Variants in NPAS1 observed in about 807,000 individuals in gnomAD.
NPAS1 encodes the protein neuronal PAS domain protein 1.
A neutral mutation model predicts 49.2 loss-of-function variants in NPAS1; 29 were observed. The ratio of observed to expected loss-of-function variants is 0.59; its 90% CI spans 0.44 to 0.80. The LOEUF is 0.80. Ranked by LOEUF, NPAS1 falls within the 30% of genes least tolerant of loss-of-function variation. The probability of loss-of-function intolerance (pLI) is 0.00; values close to 1 mark genes in which losing one functional copy is unlikely to be tolerated. For synonymous variants in NPAS1, 408 were observed against 380.4 expected (o/e 1.07, Z -0.84); for missense variants, 825 against 835.5 (o/e 0.99, Z 0.15).
At chr19:47,032,248 T>C (rs1250676136) in intron 3 of NPAS1, 30 bp from the exon 4 acceptor site, 1 of 1,606,616 alleles carries the variant, frequency 6.2e-7, no homozygotes, top group Non-Finnish European at 8.5e-7. Context: ...TCAGCCAGAC[T>C]AACAGGCTTC....
intron 3 of NPAS1, among the ~76,000 whole-genome samples, chr19:47,024,872 C>T (rs2056861757): frequency 7.0e-6 from 1 of 143,086 alleles, no homozygotes; most frequent in Admixed American, 7.2e-5. Flanking sequence ...TGCAGTGTTG[C>T]AATCTCTGCT....
chr19:47,045,726 T>G lies in NPAS1; in HGVS notation c.*75T>G. 1 of 1,253,856 alleles carries G rather than the reference T, an allele frequency of 8.0e-7. No individual in the cohort carries two copies. Among genetic ancestry groups the G allele is most frequent in the Non-Finnish European group, 1.0e-6 (1 of 953,166 alleles). The allele number at this position is 1,253,856 out of a possible 1,614,324, so 77.7% of individuals were successfully genotyped here. A position where few individuals can be genotyped will look rare whatever the true frequency, so the allele number is the denominator to read the frequency against. On this transcript the variant is annotated 3_prime_UTR_variant, in exon 12 of 12. Coordinates refer to ENST00000602212, the MANE Select transcript of NPAS1 (RefSeq NM_002517.4). ...AGGACAGTAGGCCCGGCTCTGCCCG[T>G]AGCCCTGAGAATTAAACGCCGGCTC... is the stretch of plus-strand genomic sequence containing the variant.
At chr19:47,034,909 C>T (rs1419961848) in intron 5 of NPAS1, among the ~76,000 whole-genome samples, 1 of 145,060 alleles carries the variant, frequency 6.9e-6, no homozygotes, top group African/African-American at 2.6e-5. Context: ...AGTCCAGGCG[C>T]GGTGGCTCAT....
At chr19:47,020,289 T>G (rs1158780694) in intron 1 of NPAS1, among the ~76,000 whole-genome samples, 2 of 151,258 alleles carry the variant, frequency 1.3e-5, no homozygotes, top group East Asian at 3.9e-4. Flanking sequence ...CTGAAAACGT[T>G]AGGGGATCAG....
At chr19:47,034,314 C>A (rs868625595) in intron 5 of NPAS1, among the ~76,000 whole-genome samples, 408 of 92,488 alleles carry the variant, frequency 4.4e-3, no homozygotes, top group Middle Eastern at 0.012. Flanking sequence ...AACTCCGTCT[C>A]AAAAAAAAAA....
At chr19:47,025,318 G>A (rs2056864543) in intron 3 of NPAS1, among the ~76,000 whole-genome samples, 1 of 134,402 alleles carries the variant, frequency 7.4e-6, no homozygotes, top group South Asian at 2.3e-4. Flanking sequence ...TGCTCTTGTT[G>A]CCCAGGCTGG....
chr19:47,023,981 T>G (rs562651333), intron 3 of NPAS1, among the ~76,000 whole-genome samples: 1 of 152,120 alleles, frequency 6.6e-6, no homozygotes, highest in South Asian at 2.1e-4. Context: ...GGTGTGTGCC[T>G]GTAGTCCCAG....
At chr19:47,036,483 G>A (rs985636782) in intron 6 of NPAS1, among the ~76,000 whole-genome samples, 1 of 152,236 alleles carries the variant, frequency 6.6e-6, no homozygotes, top group Non-Finnish European at 1.5e-5. Flanking sequence ...GCTCGCGCCT[G>A]TAACCCCGGC....
At chr19:47,045,109 C>G in intron 11 of NPAS1, 82 bp from the exon 12 acceptor site, 1 of 1,319,572 alleles carries the variant, frequency 7.6e-7, no homozygotes, top group Non-Finnish European at 1.1e-6. Context: ...CAGGTCTGGC[C>G]CACTAAGCAC....
In NPAS1 at chr19:47,041,136, T is replaced by G; in HGVS notation, c.1217+11T>G. 6.4e-7 allele frequency: 1 copy of G among 1,563,060 alleles called. No individual in the cohort carries two copies. The highest frequency in any genetic ancestry group is 8.6e-7 in the Non-Finnish European group (1 of 1,161,662). ...CAGCCACGTGCTCAGGTGAGGGCTG[T>G]GCCCACCCCTCCTGCAGGGCACTCA... On this transcript the variant is annotated intron_variant, in intron 10 of 11. Coordinates refer to ENST00000602212, the MANE Select transcript of NPAS1 (RefSeq NM_002517.4).
In NPAS1 at chr19:47,021,525, A is replaced by C; in HGVS notation, c.123-87A>C. On this transcript the variant is annotated intron_variant, in intron 2 of 11. Coordinates refer to ENST00000602212, the MANE Select transcript of NPAS1 (RefSeq NM_002517.4). This position sits in a 1 kb window ranked among gnomAD's most constrained non-coding sequence, Gnocchi z 5.7. ...CTCCCAACGTCCCGTCCCGTTCCCA[A>C]GGCCCCGGGAGGCGGGGCTCGCCCC... 1 of 891,798 alleles carries C rather than the reference A, an allele frequency of 1.1e-6. No individual in the cohort carries two copies. Among genetic ancestry groups the C allele is most frequent in the Admixed American group, 3.3e-5 (1 of 30,254 alleles). The allele number at this position is 891,798 out of a possible 1,614,324, so 55.2% of individuals were successfully genotyped here. A position where few individuals can be genotyped will look rare whatever the true frequency, so the allele number is the denominator to read the frequency against.
In NPAS1 at chr19:47,045,410, G is replaced by T. The variant is rs2057067048; in HGVS notation, c.1532G>T (p.Trp511Leu). Residue 511 changes from tryptophan (W) to leucine (L), a missense_variant, in exon 12 of 12, where the codon TGG becomes TTG. Trp to Leu is a moderately conservative substitution (Grantham distance 61, BLOSUM62 -2). Transcript: ENST00000602212. ...CTGAAGCAGGATCCGGTGCGGCCATGGGGCCTGGCGCCTCCCGGGGACCCC... is the reference window on the plus strand; with the variant it reads ...CTGAAGCAGGATCCGGTGCGGCCATTGGGCCTGGCGCCTCCCGGGGACCCC... ...GVLKQDPVRP[W>L]GLAPPGDPPP... The T allele has an allele frequency of 6.2e-7, 1 of 1,610,206 alleles. No individual in the cohort carries two copies. The highest frequency in any genetic ancestry group is 1.7e-5 in the Admixed American group (1 of 59,538).
Position 47,021,043 on chromosome 19 carries a change from C to A in NPAS1, c.-5C>A, listed in dbSNP as rs889511872. On this transcript the variant is annotated 5_prime_UTR_variant, in exon 2 of 12. Coordinates refer to ENST00000602212, the MANE Select transcript of NPAS1 (RefSeq NM_002517.4). This position sits in a 1 kb window ranked among gnomAD's most constrained non-coding sequence, Gnocchi z 5.7. ...TCGGAGCCCGCCTGAGCGAGCCCCC[C>A]GGAGATGGCGGCCCCCTATCCCGGC... The A allele has an allele frequency of 6.2e-6, 10 of 1,601,302 alleles. No homozygotes were observed. Among genetic ancestry groups the A allele is most frequent in the Middle Eastern group, 1.7e-4 (1 of 6,036 alleles).
chr19:47,019,929 G>C lies in NPAS1; in HGVS notation c.-111G>C, dbSNP rs1212660020. On this transcript the variant is annotated 5_prime_UTR_variant, in exon 1 of 12. Coordinates refer to ENST00000602212, the MANE Select transcript of NPAS1 (RefSeq NM_002517.4). The stretch of plus-strand genomic sequence containing the variant: ...GTCTATGGAGCTGCCCCTCCGCGCC[G>C]CCCGGCCGGCCCCACGCCGCGCCCG... 5.1e-6 allele frequency: 2 copies of C among 389,446 alleles called. No homozygotes were observed. The highest frequency in any genetic ancestry group is 9.1e-6 in the Non-Finnish European group (2 of 220,220). The allele number at this position is 389,446 out of a possible 1,614,324, so 24.1% of individuals were successfully genotyped here.
chr19:47,040,738 T>TGTG (rs2057010527), intron 9 of NPAS1, 188 bp downstream of exon 9: 13 of 498,728 alleles, frequency 2.6e-5, no homozygotes, highest in Middle Eastern at 5.4e-4. Context: ...GATGTGTGTG[T>TGTG]GGGGGGGGGG....
intron 6 of NPAS1, among the ~76,000 whole-genome samples, chr19:47,037,400 G>T (rs1599912442): frequency 6.9e-6 from 1 of 145,788 alleles, no homozygotes; most frequent in Admixed American, 6.9e-5. Context: ...GGCCCACAAT[G>T]CAAGAAGTGT....
chr19:47,040,667 A>G (rs1568509817), intron 9 of NPAS1, 117 bp downstream of exon 9: 4 of 689,076 alleles, frequency 5.8e-6, no homozygotes, highest in Non-Finnish European at 1.0e-5. Context: ...TGCTGCACCT[A>G]CAGCTCCAGG....
At chr19:47,023,738 G>T (rs970512510) in intron 3 of NPAS1, among the ~76,000 whole-genome samples, 2 of 152,060 alleles carry the variant, frequency 1.3e-5, no homozygotes, top group Non-Finnish European at 2.9e-5. Context: ...GGAAAGCTTT[G>T]GGCCAGGAGT....
chr19:47,039,436 C>T lies in NPAS1; in HGVS notation c.834C>T (p.Ala278=). ...KVIHVTGRLR[A]HALGLVALGH... is the part of the protein sequence containing the mutation. ...TCCACGTGACTGGGCGCCTTCGGGC[C>T]CACGCCCTGGGCCTTGTGGCCCTCG... is the stretch of plus-strand genomic sequence containing the variant. Residue 278 remains alanine (A), a synonymous_variant, in exon 8 of 12, where the codon GCC becomes GCT. Transcript: ENST00000602212. 1 of 1,611,946 alleles carries T rather than the reference C, an allele frequency of 6.2e-7. No individual in the cohort carries two copies. Among genetic ancestry groups the T allele is most frequent in the Non-Finnish European group, 8.5e-7 (1 of 1,179,888 alleles).
Sources: allele counts gnomAD v4.1 joint callset (sites outside exome capture counted in the v4.1 genomes callset), GRCh38; gene constraint gnomAD v4.1.1; non-coding constraint Gnocchi (gnomAD v3.1); transcripts MANE v1.5; gene names NCBI Gene and HGNC (gene_info 2026-07-23, HGNC 2026-07-21).